NAA60: variants seen among roughly 807,000 people sequenced by gnomAD.
The protein encoded by NAA60 is N-alpha-acetyltransferase 60.
A neutral mutation model predicts 26.1 loss-of-function variants in NAA60; 8 were observed. The ratio of observed to expected loss-of-function variants is 0.31; its 90% CI spans 0.18 to 0.55. NAA60 has a LOEUF of 0.55. Ranked by LOEUF, NAA60 falls within the 20% of genes least tolerant of loss-of-function variation. The pLI, the probability that NAA60 is intolerant of heterozygous loss-of-function variation, is 0.93. For missense variants in NAA60, 290 were observed against 311.3 expected (o/e 0.93, Z 0.51); for synonymous variants, 131 against 122.5 (o/e 1.07, Z -0.46).
chr16:3,475,407 C>T (rs1479917387), intron 2 of NAA60, among the ~76,000 whole-genome samples: 3 of 151,878 alleles, frequency 2.0e-5, no homozygotes, highest in African/African-American at 4.8e-5. Context: ...TTCCTTTTAA[C>T]GACTAATTTC....
rs552720299 is a variant in NAA60 at position 3,476,163 on chromosome 16, G to A, written c.-6-59G>A. On this transcript the variant is annotated intron_variant, in intron 2 of 7. Coordinates refer to ENST00000407558, the MANE Select transcript of NAA60 (RefSeq NM_001083601.3). The stretch of plus-strand genomic sequence containing the variant: ...CTCTTCTGTCTCGCCTGCCTCACAA[G>A]CTGAGCATGAGGAAGACCAGGCTGT... The A allele has an allele frequency of 4.4e-6, 6 of 1,350,652 alleles. No individual in the cohort carries two copies. In the African/African-American group the frequency reaches 8.6e-5, roughly 19 times the overall value. 83.7% of individuals were successfully genotyped at this position (1,350,652 alleles called of 1,614,324 possible). A position where few individuals can be genotyped will look rare whatever the true frequency, so the allele number is the denominator to read the frequency against.
chr16:3,455,596 C>T (rs991396494), intron 2 of NAA60, among the ~76,000 whole-genome samples: 4 of 151,684 alleles, frequency 2.6e-5, no homozygotes, highest in Non-Finnish European at 5.9e-5. Context: ...GGGGTTTCAC[C>T]GTGTTAGCCA....
chr16:3,460,237 CA>C (rs1287692812), intron 2 of NAA60, among the ~76,000 whole-genome samples: 2 of 152,192 alleles, frequency 1.3e-5, no homozygotes, highest in Admixed American at 6.5e-5. Context: ...GGCTGTTTAT[CA>C]GACACTGTTT....
At chr16:3,476,185 C>G in intron 2 of NAA60, 37 bp from the exon 3 acceptor site, 2 of 1,490,738 alleles carry the variant, frequency 1.3e-6, no homozygotes, top group Non-Finnish European at 1.8e-6. Context: ...GAAGACCAGG[C>G]TGTGAGGTGA....
intron 2 of NAA60, 23 bp from the exon 3 acceptor site, chr16:3,476,199 G>T (rs370108520): frequency 8.3e-6 from 13 of 1,559,330 alleles, no homozygotes; most frequent in Non-Finnish European, 1.1e-5. Flanking sequence ...GAGGTGACGC[G>T]TCCCCCCCAC....
intron 4 of NAA60, among the ~76,000 whole-genome samples, chr16:3,481,001 C>A (rs1194401503): frequency 1.3e-5 from 2 of 152,174 alleles, no homozygotes; most frequent in Non-Finnish European, 2.9e-5. Flanking sequence ...TGGTCATACT[C>A]TGTCTGGCAC....
intron 2 of NAA60, among the ~76,000 whole-genome samples, chr16:3,468,924 A>G (rs566521434): frequency 2.0e-5 from 3 of 152,118 alleles, no homozygotes; most frequent in South Asian, 4.1e-4. Context: ...TGTCTCTACT[A>G]CAAATACAAA....
At chr16:3,479,658 G>T (rs2036701191) in intron 4 of NAA60, 58 bp downstream of exon 4, 1 of 1,580,868 alleles carries the variant, frequency 6.3e-7, no homozygotes, top group African/African-American at 1.3e-5. Flanking sequence ...GGGCCAAGGG[G>T]GCTTGCGATG....
Position 3,448,512 on chromosome 16 carries a change from A to C in NAA60, c.-35A>C. ...ACCTGGAGGAAGGAAGTGCGGAGCC[A>C]GCCTGAGTTGGGAGAAGAGCTCCAG... On this transcript the variant is annotated 5_prime_UTR_variant, in exon 2 of 8. Coordinates refer to ENST00000407558, the MANE Select transcript of NAA60 (RefSeq NM_001083601.3). The C allele has an allele frequency of 3.3e-6, 5 of 1,535,626 alleles. No individual in the cohort carries two copies. Among genetic ancestry groups the C allele is most frequent in the Non-Finnish European group, 4.4e-6 (5 of 1,146,878 alleles).
rs557653914 is a variant in NAA60, at chr16:3,473,189, A to G, written c.-6-3033A>G. On this transcript the variant is annotated intron_variant, in intron 2 of 7. Transcript: ENST00000407558. ...TGGCTGGGATGACAGGCACACCACCACGCCTGGCTAATGTTTGTATTTTTA... is the reference window on the plus strand; with the variant it reads ...TGGCTGGGATGACAGGCACACCACCGCGCCTGGCTAATGTTTGTATTTTTA... 1.3e-4 allele frequency among the ~76,000 whole-genome samples: 20 copies of G among 152,028 alleles called. 1 individual carries two copies. Among genetic ancestry groups the G allele is most frequent in the African/African-American group, 4.3e-4 (18 of 41,444 alleles).
chr16:3,476,466 A>G lies in NAA60; in HGVS notation c.110+129A>G, dbSNP rs2036491297. 5.5e-6 allele frequency: 4 copies of G among 723,302 alleles called. No homozygotes were observed. The Admixed American group carries it at 1.2e-4, about 21-fold the overall frequency. 44.8% of individuals were successfully genotyped at this position (723,302 alleles called of 1,614,324 possible). On this transcript the variant is annotated intron_variant, in intron 3 of 7. Coordinates refer to ENST00000407558, the MANE Select transcript of NAA60 (RefSeq NM_001083601.3). Reference sequence around the variant, plus strand: ...AAGATGGGAATGGCCTGGAGGGGCCACAGGGGTCCCAGGTTACCCACCTCA... The same window carrying G: ...AAGATGGGAATGGCCTGGAGGGGCCGCAGGGGTCCCAGGTTACCCACCTCA...
At chr16:3,478,435 A>G (rs1020426296) in intron 3 of NAA60, among the ~76,000 whole-genome samples, 3 of 152,138 alleles carry the variant, frequency 2.0e-5, no homozygotes, top group Admixed American at 2.0e-4. Context: ...TCGTGGGCCT[A>G]AGGTCTCAGG....
At chr16:3,484,457 G>C in intron 6 of NAA60, 1 of 581,096 alleles carries the variant, frequency 1.7e-6, no homozygotes, top group South Asian at 2.1e-5. Context: ...GTGTCCACAT[G>C]CCTGCTGCCT....
chr16:3,466,927 G>T (rs958919393), intron 2 of NAA60, among the ~76,000 whole-genome samples: 1 of 152,172 alleles, frequency 6.6e-6, no homozygotes, highest in Admixed American at 6.5e-5. Context: ...AAGGGCAGGA[G>T]TAAAGCAGAA....
rs530558278 is a variant in NAA60 at position 3,454,404 on chromosome 16, T to C, written c.-7+5864T>C. ...AGGCAAGAGAAAAGCGATAATATGC[T>C]GGAAGAGGCCTTAGAGCCAGAGGGA... On this transcript the variant is annotated intron_variant, in intron 2 of 7. Transcript: ENST00000407558. 3.9e-5 allele frequency among the ~76,000 whole-genome samples: 6 copies of C among 152,220 alleles called. No individual in the cohort carries two copies. The East Asian group carries it at 1.2e-3, about 29-fold the overall frequency.
chr16:3,465,920 C>A (rs904821321), intron 2 of NAA60, among the ~76,000 whole-genome samples: 1 of 152,134 alleles, frequency 6.6e-6, no homozygotes, highest in Non-Finnish European at 1.5e-5. Context: ...TAAATGGATT[C>A]TCAGTTTGAA....
intron 2 of NAA60, among the ~76,000 whole-genome samples, chr16:3,464,765 C>T (rs1237123215): frequency 2.0e-5 from 3 of 152,216 alleles, no homozygotes; most frequent in Non-Finnish European, 4.4e-5. Flanking sequence ...GACCCATTCA[C>T]TCAATCTGAG....
At chr16:3,479,688 A>T (rs902586428) in intron 4 of NAA60, 88 bp downstream of exon 4, 1 of 1,488,722 alleles carries the variant, frequency 6.7e-7, no homozygotes, top group Admixed American at 1.9e-5. Context: ...TGCCTGCTCC[A>T]CAGCCGTCGT....
chr16:3,481,302 C>A (rs1381470293), intron 4 of NAA60, among the ~76,000 whole-genome samples: 4 of 152,180 alleles, frequency 2.6e-5, no homozygotes, highest in Non-Finnish European at 4.4e-5. Context: ...GTTGGCCATG[C>A]TGATCTGGAA....
Sources: allele counts gnomAD v4.1 joint callset (sites outside exome capture counted in the v4.1 genomes callset), GRCh38; gene constraint gnomAD v4.1.1; transcripts MANE v1.5; gene names NCBI Gene and HGNC (gene_info 2026-07-23, HGNC 2026-07-21).